Variants in PTGER3 observed in about 807,000 individuals in gnomAD.
PTGER3 encodes the protein prostaglandin E2 receptor EP3 subtype.
Under a neutral mutation model 34.7 loss-of-function variants are expected in PTGER3, and 22 were observed. The ratio of observed to expected loss-of-function variants is 0.63; its 90% CI spans 0.45 to 0.91. The LOEUF (loss-of-function observed/expected upper bound fraction) is 0.91, where lower values mean the gene tolerates loss of function less well. Among genes scored for constraint, PTGER3 ranks in the 40% least tolerant of loss-of-function variants. The pLI is 0.00. For missense variants in PTGER3, 468 were observed against 519.4 expected (o/e 0.90, Z 0.96); for synonymous variants, 241 against 230.1 (o/e 1.05, Z -0.43).
At position 71,047,310 on chromosome 1, in the gene PTGER3, G is replaced by A; in HGVS notation, c.268C>T (p.Leu90=). 6.2e-7 allele frequency: 1 copy of A among 1,605,382 alleles called. No individual in the cohort carries two copies. Among genetic ancestry groups the A allele is most frequent in the Non-Finnish European group, 8.5e-7 (1 of 1,176,644 alleles). ...GTGAGCGCCAGCCAGCCGATGCACA[G>A]CAGGAAGGACTTCTTGCGCTTGCTC... ...RESKRKKSFL[L]CIGWLALTDL... Residue 90 remains leucine (L), a synonymous_variant, in exon 1 of 4, where the codon CTG becomes TTG. Transcript: ENST00000306666.
chr1:71,010,074 T>C (rs1218666483), intron 2 of PTGER3: 8 of 985,076 alleles, frequency 8.1e-6, no homozygotes, highest in Non-Finnish European at 9.6e-6. Context: ...ATTCATCCCC[T>C]CCTAAAATAT....
At chr1:70,928,112 C>T (rs1648292020) in intron 4 of PTGER3, among the ~76,000 whole-genome samples, 1 of 143,024 alleles carries the variant, frequency 7.0e-6, no homozygotes, top group African/African-American at 2.6e-5. Context: ...ATGAAGAAAT[C>T]CATTCATCAT....
At chr1:71,039,664 A>AAAAAAAG (rs1557768570) in intron 1 of PTGER3, among the ~76,000 whole-genome samples, 17 of 145,394 alleles carry the variant, frequency 1.2e-4, no homozygotes, top group Non-Finnish European at 7.5e-5. Flanking sequence ...AAAAAAAAAA[A>AAAAAAAG]AAAAAAGAAA....
At chr1:70,860,729 G>T (rs1309222514) in intron 4 of PTGER3, among the ~76,000 whole-genome samples, 1 of 151,996 alleles carries the variant, frequency 6.6e-6, no homozygotes, top group Non-Finnish European at 1.5e-5. Context: ...AGACCTTATT[G>T]TACATCATAA....
intron 2 of PTGER3, among the ~76,000 whole-genome samples, chr1:70,955,291 C>T (rs1651203170): frequency 6.6e-6 from 1 of 152,252 alleles, no homozygotes; most frequent in South Asian, 2.1e-4. Context: ...AAGGTGGTGG[C>T]TATCACATGA....
rs948289526 is a variant in PTGER3, at chr1:70,864,767, T to C, written c.*24-11908A>G. On this transcript the variant is annotated intron_variant, in intron 4 of 4. Transcript: ENST00000370931. Reference sequence around the variant, plus strand: ...CTGGACAACAATTTTATGAGGCAGATACTATTATCAGTCCCATTTTATAGC... The same window carrying C: ...CTGGACAACAATTTTATGAGGCAGACACTATTATCAGTCCCATTTTATAGC... Among the ~76,000 whole-genome samples, 5 of 152,234 alleles carry C rather than the reference T, an allele frequency of 3.3e-5. No homozygotes were observed. In the South Asian group the frequency reaches 6.2e-4, roughly 19 times the overall value.
At chr1:70,888,770 G>A (rs1033507136) in intron 4 of PTGER3, among the ~76,000 whole-genome samples, 1 of 151,922 alleles carries the variant, frequency 6.6e-6, no homozygotes, top group African/African-American at 2.4e-5. Context: ...TTTTCTGATG[G>A]AAAAGACTGT....
At chr1:71,015,564 T>C (rs1657819252) in intron 1 of PTGER3, among the ~76,000 whole-genome samples, 1 of 152,204 alleles carries the variant, frequency 6.6e-6, no homozygotes, top group Admixed American at 6.5e-5. Context: ...ATTTGATTCT[T>C]TTAATTCCCC....
At chr1:70,960,755 A>G (rs940432260) in intron 2 of PTGER3, among the ~76,000 whole-genome samples, 2 of 152,224 alleles carry the variant, frequency 1.3e-5, no homozygotes, top group African/African-American at 4.8e-5. Flanking sequence ...TCCTTAAAAA[A>G]TAGAAAAGGA....
intron 2 of PTGER3, among the ~76,000 whole-genome samples, chr1:70,979,505 G>A (rs528361790): frequency 4.9e-4 from 74 of 152,022 alleles, no homozygotes; most frequent in African/African-American, 1.5e-3. Flanking sequence ...ACAGCTGCAC[G>A]TTATCTACTG....
rs151112662 is a variant in PTGER3, at chr1:70,975,912, G to A, written c.1078-1524C>T. 5.4e-3 allele frequency among the ~76,000 whole-genome samples: 821 copies of A among 152,124 alleles called. 13 individuals carry two copies. Among genetic ancestry groups the A allele is most frequent in the African/African-American group, 0.019 (778 of 41,494 alleles). On this transcript the variant is annotated intron_variant, in intron 2 of 3. Coordinates refer to ENST00000306666, the MANE Select transcript of PTGER3 (RefSeq NM_198719.2). The stretch of plus-strand genomic sequence containing the variant: ...GAAGATTCTCCATCTGCTAAAGAAC[G>A]ATCTGGTTAGGATAAGTTCTTACCT...
chr1:71,020,582 C>G (rs1658315047), intron 1 of PTGER3, among the ~76,000 whole-genome samples: 1 of 151,210 alleles, frequency 6.6e-6, no homozygotes, highest in Non-Finnish European at 1.5e-5. Flanking sequence ...GTCAAAATTC[C>G]TCTTCAAAAA....
chr1:70,959,352 A>ATT (rs11299533), intron 2 of PTGER3, among the ~76,000 whole-genome samples: 49 of 135,486 alleles, frequency 3.6e-4, no homozygotes, highest in African/African-American at 1.2e-3. Flanking sequence ...GTCCTCTTCA[A>ATT]TTTTTTTTTT....
At chr1:71,012,910 G>T (rs1657569166) in intron 1 of PTGER3, among the ~76,000 whole-genome samples, 1 of 122,040 alleles carries the variant, frequency 8.2e-6, no homozygotes, top group African/African-American at 3.3e-5. Context: ...AAAAGTAGAC[G>T]CAAGAAAGGA....
chr1:70,951,922 A>G (rs1650795319), downstream of PTGER3, among the ~76,000 whole-genome samples: 1 of 152,228 alleles, frequency 6.6e-6, no homozygotes, highest in South Asian at 2.1e-4. Context: ...TGTAGATAGG[A>G]ATATCAAGAA....
At chr1:71,018,987 A>T (rs1049076928) in intron 1 of PTGER3, among the ~76,000 whole-genome samples, 1 of 152,198 alleles carries the variant, frequency 6.6e-6, no homozygotes, top group African/African-American at 2.4e-5. Context: ...TGCTACTGCC[A>T]TTTCCAAATG....
chr1:70,873,559 GTTTAT>G (rs1193831455), intron 4 of PTGER3, among the ~76,000 whole-genome samples: 1 of 150,292 alleles, frequency 6.7e-6, no homozygotes, highest in Admixed American at 6.6e-5. Context: ...GATTTGTTTT[GTTTAT>G]TTTATTTTAA....
chr1:71,040,796 G>C (rs374950421), intron 1 of PTGER3, among the ~76,000 whole-genome samples: 1 of 152,282 alleles, frequency 6.6e-6, no homozygotes, highest in East Asian at 1.9e-4. Context: ...CTGTGAAAGG[G>C]AAATGCGGGG....
At chr1:70,996,097 T>A (rs1038210669) in intron 2 of PTGER3, among the ~76,000 whole-genome samples, 2 of 152,188 alleles carry the variant, frequency 1.3e-5, no homozygotes, top group Non-Finnish European at 2.9e-5. Flanking sequence ...GCCTTCCTTA[T>A]TGATGATGCT....
Sources: gnomAD v4.1 joint callset for allele counts (sites outside exome capture counted in the v4.1 genomes callset) on GRCh38, gnomAD v4.1.1 for gene constraint, MANE v1.5 for transcripts, NCBI Gene and HGNC (gene_info 2026-07-23, HGNC 2026-07-21) for gene names.